KCNMB2: variants seen among roughly 807,000 people sequenced by gnomAD.
KCNMB2 encodes potassium calcium-activated channel subfamily M regulatory beta subunit 2, also known as calcium-activated potassium channel subunit beta-2.
A neutral mutation model predicts 24.5 loss-of-function variants in KCNMB2; 9 were observed. That is an observed-to-expected ratio of 0.37 (90% CI 0.22 to 0.64). The LOEUF is 0.64. Among genes scored for constraint, KCNMB2 ranks in the 30% least tolerant of loss-of-function variants. The pLI, the probability that KCNMB2 is intolerant of heterozygous loss-of-function variation, is 0.63. For missense variants in KCNMB2, 226 were observed against 284.3 expected (o/e 0.79, Z 1.47); for synonymous variants, 109 against 104.4 (o/e 1.04, Z -0.27).
At chr3:178,556,309 A>C (rs1486573134) in intron 1 of KCNMB2, among the ~76,000 whole-genome samples, 1 of 152,226 alleles carries the variant, frequency 6.6e-6, no homozygotes, top group East Asian at 1.9e-4. Flanking sequence ...CAATCATTTT[A>C]GGGTAGAGAA....
At chr3:178,583,725 G>T (rs1014099) in intron 1 of KCNMB2, among the ~76,000 whole-genome samples, 57,615 of 151,874 alleles carry the variant, frequency 0.38, 11,671 homozygotes, top group African/African-American at 0.54. Flanking sequence ...AATACCTTAC[G>T]CTCTTCACAG....
intron 1 of KCNMB2, among the ~76,000 whole-genome samples, chr3:178,779,300 T>C (rs1712725623): frequency 6.6e-6 from 1 of 152,214 alleles, no homozygotes. Flanking sequence ...GAAGACCATC[T>C]CTAAAGTTTG....
chr3:178,592,919 G>T (rs866464896), intron 1 of KCNMB2, among the ~76,000 whole-genome samples: 2 of 152,020 alleles, frequency 1.3e-5, no homozygotes, highest in South Asian at 4.1e-4. Flanking sequence ...TTGCTTTAAC[G>T]TGGTCCCAGA....
intron 1 of KCNMB2, among the ~76,000 whole-genome samples, chr3:178,735,857 G>A (rs751617523): frequency 2.6e-5 from 4 of 152,184 alleles, no homozygotes; most frequent in South Asian, 2.1e-4. Flanking sequence ...AGTCAGCACC[G>A]TGCTTGATGA....
chr3:178,799,920 T>C (rs112607423), intron 1 of KCNMB2, among the ~76,000 whole-genome samples: 82 of 152,162 alleles, frequency 5.4e-4, no homozygotes, highest in African/African-American at 1.8e-3. Context: ...AGAACATATA[T>C]TGGGGAAAAA....
At chr3:178,568,773 T>TGATGATA (rs1553813496) in intron 1 of KCNMB2, among the ~76,000 whole-genome samples, 4 of 115,970 alleles carry the variant, frequency 3.4e-5, no homozygotes, top group African/African-American at 1.4e-4. Flanking sequence ...GATAGATAGA[T>TGATGATA]GATAGATAGA....
intron 1 of KCNMB2, among the ~76,000 whole-genome samples, chr3:178,683,883 T>C (rs1270085095): frequency 6.6e-6 from 1 of 152,198 alleles, no homozygotes; most frequent in African/African-American, 2.4e-5. Context: ...GCAGCCATTA[T>C]GAAGAACAGT....
intron 1 of KCNMB2, among the ~76,000 whole-genome samples, chr3:178,803,568 C>G (rs138624419): frequency 5.3e-4 from 81 of 152,228 alleles, no homozygotes; most frequent in African/African-American, 1.7e-3. Flanking sequence ...ACTATGTGTC[C>G]TGGATTGTGC....
At chr3:178,670,156 G>T (rs562948886) in intron 1 of KCNMB2, among the ~76,000 whole-genome samples, 1 of 152,202 alleles carries the variant, frequency 6.6e-6, no homozygotes, top group African/African-American at 2.4e-5. Flanking sequence ...TACTAATTTG[G>T]CAAAGGAAAA....
At position 178,592,229 on chromosome 3, in the gene KCNMB2, C is replaced by G. The variant is rs146320127; in HGVS notation, c.-68+55518C>G. On this transcript the variant is annotated intron_variant, in intron 1 of 4. Coordinates refer to ENST00000452583, the MANE Select transcript of KCNMB2 (RefSeq NM_181361.3). ...ATGTTCAGGCTACATAATGTGTGAT[C>G]TCTCACCCTTAGCCCTCAAACAAAG... Among the ~76,000 whole-genome samples, 732 of 152,246 alleles carry G rather than the reference C, an allele frequency of 4.8e-3. 13 individuals are homozygous for G. The highest frequency in any genetic ancestry group is 3.8e-3 in the Non-Finnish European group (256 of 68,020).
intron 1 of KCNMB2, among the ~76,000 whole-genome samples, chr3:178,540,028 C>T (rs1207439531): frequency 6.6e-6 from 1 of 152,168 alleles, no homozygotes; most frequent in Non-Finnish European, 1.5e-5. Flanking sequence ...CAACTACCTA[C>T]ATAACATTTC....
chr3:178,775,320 A>G (rs1252077868), intron 1 of KCNMB2, among the ~76,000 whole-genome samples: 2 of 152,150 alleles, frequency 1.3e-5, no homozygotes, highest in African/African-American at 2.4e-5. Flanking sequence ...GATATCTGAC[A>G]CCTACTATGT....
intron 1 of KCNMB2, among the ~76,000 whole-genome samples, chr3:178,734,619 G>A (rs1222258213): frequency 6.6e-6 from 1 of 152,156 alleles, no homozygotes; most frequent in Non-Finnish European, 1.5e-5. Flanking sequence ...GACCCAAGGT[G>A]TGAAACCACT....
chr3:178,759,572 C>T (rs372320022), intron 1 of KCNMB2, among the ~76,000 whole-genome samples: 22 of 117,334 alleles, frequency 1.9e-4, no homozygotes, highest in Non-Finnish European at 2.4e-4. Flanking sequence ...TCTCTCTCCA[C>T]GAGGATATAT....
At chr3:178,658,249 AT>A (rs1170398641) in intron 1 of KCNMB2, among the ~76,000 whole-genome samples, 2 of 152,140 alleles carry the variant, frequency 1.3e-5, no homozygotes, top group African/African-American at 4.8e-5. Flanking sequence ...AAATAATGCC[AT>A]TTTTTTCATA....
At chr3:178,604,883 T>C (rs1014750567) in intron 1 of KCNMB2, among the ~76,000 whole-genome samples, 19 of 152,206 alleles carry the variant, frequency 1.2e-4, no homozygotes, top group Non-Finnish European at 2.4e-4. Flanking sequence ...TGTAAGTTCC[T>C]GGCTAGCCTA....
rs777110700 is a variant in KCNMB2 at position 178,843,035 on chromosome 3, T to G, written c.*98T>G. 1.0e-6 allele frequency: 1 copy of G among 953,752 alleles called. No individual in the cohort carries two copies. Among genetic ancestry groups the G allele is most frequent in the Non-Finnish European group, 1.6e-6 (1 of 634,488 alleles). The allele number at this position is 953,752 out of a possible 1,614,324, so 59.1% of individuals were successfully genotyped here. A position where few individuals can be genotyped will look rare whatever the true frequency, so the allele number is the denominator to read the frequency against. On this transcript the variant is annotated 3_prime_UTR_variant, in exon 5 of 5. Transcript: ENST00000452583. ...TAAGTTTGTAACGTGCAGTCTGTTA[T>G]GAGTTCCCTAATATATTCTTATATG...
At chr3:178,696,109 T>C (rs1286904925) in intron 1 of KCNMB2, among the ~76,000 whole-genome samples, 1 of 152,218 alleles carries the variant, frequency 6.6e-6, no homozygotes, top group Non-Finnish European at 1.5e-5. Context: ...CTTCTTCATA[T>C]GGCAGCAGGA....
Position 178,641,455 on chromosome 3 carries a change from T to A in KCNMB2, c.-68+104744T>A, listed in dbSNP as rs528541501. Among the ~76,000 whole-genome samples the A allele has an allele frequency of 2.4e-4, 37 of 152,294 alleles. No homozygotes were observed. In the East Asian group the frequency reaches 4.4e-3, roughly 18 times the overall value. ...CAATTTTATGTGATACTATTTTTTT[T>A]AAATTTCAAATCCATTTGTTTATTG... On this transcript the variant is annotated intron_variant, in intron 1 of 4. Transcript: ENST00000452583.
Sources: allele counts gnomAD v4.1 joint callset (sites outside exome capture counted in the v4.1 genomes callset), GRCh38; gene constraint gnomAD v4.1.1; transcripts MANE v1.5; gene names NCBI Gene and HGNC (gene_info 2026-07-23, HGNC 2026-07-21).